Variants in RAB3GAP1 observed in about 807,000 individuals in gnomAD.
RAB3GAP1 encodes the protein RAB3 GTPase activating protein catalytic subunit 1.
In RAB3GAP1, 86 loss-of-function variants were observed where a neutral mutation model predicts 130.7. The ratio of observed to expected loss-of-function variants is 0.66; its 90% confidence interval spans 0.55 to 0.79. The LOEUF is 0.79. RAB3GAP1 is among the 30% of genes least tolerant of loss of function. The pLI is 0.00. For synonymous variants in RAB3GAP1, 367 were observed against 401.7 expected (o/e 0.91, Z 1.03); for missense variants, 1,029 against 1,169.4 (o/e 0.88, Z 1.75).
rs767792544 is a variant in RAB3GAP1, at chr2:135,093,600, CA to C, written c.284-12del. 3 of 1,600,866 alleles carry C rather than the reference CA, an allele frequency of 1.9e-6. No individual in the cohort carries two copies. In the South Asian group the frequency reaches 3.3e-5, roughly 18 times the overall value. On this transcript the variant is annotated splice_polypyrimidine_tract_variant and intron_variant, in intron 4 of 23. Transcript: ENST00000264158. ...ATGAACATACTAACTTTTTCATTATCAAATGTTTTTGTAGATGTTGTTCCAC... is the reference window on the plus strand; with the variant it reads ...ATGAACATACTAACTTTTTCATTATCAATGTTTTTGTAGATGTTGTTCCAC...
intron 3 of RAB3GAP1, among the ~76,000 whole-genome samples, chr2:135,061,766 G>T (rs1689176466): frequency 6.6e-6 from 1 of 151,802 alleles, no homozygotes; most frequent in African/African-American, 2.4e-5. Flanking sequence ...TTTCTAGAGG[G>T]TTTACCAATT....
chr2:135,150,356 T>C lies in RAB3GAP1; in HGVS notation c.1924-13T>C. The C allele has an allele frequency of 6.2e-7, 1 of 1,614,232 alleles. No individual in the cohort carries two copies. The highest frequency in any genetic ancestry group is 1.1e-5 in the South Asian group (1 of 91,090). On this transcript the variant is annotated splice_polypyrimidine_tract_variant and intron_variant, in intron 17 of 23. Coordinates refer to ENST00000264158, the MANE Select transcript of RAB3GAP1 (RefSeq NM_012233.3). Reference sequence around the variant, plus strand: ...AGGGCTGTTTATGAGCCTTGTCCTTTTGTGCTTCACAGGAACCAGCACCTA... The same window carrying C: ...AGGGCTGTTTATGAGCCTTGTCCTTCTGTGCTTCACAGGAACCAGCACCTA...
chr2:135,066,114 T>G (rs1689316840), intron 3 of RAB3GAP1, among the ~76,000 whole-genome samples: 1 of 152,128 alleles, frequency 6.6e-6, no homozygotes, highest in Non-Finnish European at 1.5e-5. Flanking sequence ...TCCAGAAAGT[T>G]TGAGAATTGC....
At chr2:135,166,612 G>A (rs1442730890) in intron 23 of RAB3GAP1, among the ~76,000 whole-genome samples, 1 of 152,040 alleles carries the variant, frequency 6.6e-6, no homozygotes, top group Non-Finnish European at 1.5e-5. Context: ...ACCTCCCAAA[G>A]TGCTGAGATT....
intron 22 of RAB3GAP1, 149 bp from the exon 23 acceptor site, chr2:135,164,445 T>A (rs895416097): frequency 1.5e-6 from 1 of 675,322 alleles, no homozygotes; most frequent in South Asian, 1.5e-5. Flanking sequence ...ATGTCAATCT[T>A]ATCTTGCTGT....
At chr2:135,083,453 C>A (rs1478207492) in intron 3 of RAB3GAP1, among the ~76,000 whole-genome samples, 1 of 151,974 alleles carries the variant, frequency 6.6e-6, no homozygotes, top group African/African-American at 2.4e-5. Flanking sequence ...CTGAGAAACA[C>A]TTGTTACTTT....
intron 11 of RAB3GAP1, among the ~76,000 whole-genome samples, chr2:135,128,934 T>C (rs1691435210): frequency 6.6e-6 from 1 of 152,174 alleles, no homozygotes; most frequent in African/African-American, 2.4e-5. Context: ...GTGGATTGCT[T>C]GAGCCCGGGA....
chr2:135,143,599 C>G (rs967427677), intron 17 of RAB3GAP1, among the ~76,000 whole-genome samples: 2 of 150,434 alleles, frequency 1.3e-5, no homozygotes, highest in Non-Finnish European at 3.0e-5. Flanking sequence ...GCTCTGTCCC[C>G]CAGGCTGGAG....
chr2:135,154,215 T>C (rs1692249000), intron 19 of RAB3GAP1, among the ~76,000 whole-genome samples: 1 of 152,238 alleles, frequency 6.6e-6, no homozygotes, highest in Non-Finnish European at 1.5e-5. Flanking sequence ...GATCTATGTA[T>C]ATAAATGATG....
In RAB3GAP1 at chr2:135,147,624, C is replaced by CCCT. The variant is rs1553448281; in HGVS notation, c.1924-2745_1924-2744insCCT. On this transcript the variant is annotated intron_variant, in intron 17 of 23. Coordinates refer to ENST00000264158, the MANE Select transcript of RAB3GAP1 (RefSeq NM_012233.3). ...ATTAATAGTAGTCCCCTCCCCCCCC[C>CCCT]TTTTTTTTTTGACTCGGGGTCTCAC... Among the ~76,000 whole-genome samples the CCCT allele has an allele frequency of 1.1e-4, 15 of 142,722 alleles. No individual in the cohort carries two copies. The South Asian group carries it at 2.8e-3, about 27-fold the overall frequency. 93.6% of individuals were successfully genotyped at this position (142,722 alleles called of 152,430 possible). A position where few individuals can be genotyped will look rare whatever the true frequency, so the allele number is the denominator to read the frequency against.
At chr2:135,133,809 T>C in intron 14 of RAB3GAP1, 52 bp from the exon 15 acceptor site, 2 of 1,509,282 alleles carry the variant, frequency 1.3e-6, no homozygotes, top group Middle Eastern at 1.7e-4. Context: ...CAGTTATATG[T>C]GTAAAATATT....
intron 5 of RAB3GAP1, among the ~76,000 whole-genome samples, chr2:135,112,053 G>A (rs1031682785): frequency 6.6e-6 from 1 of 152,246 alleles, no homozygotes; most frequent in African/African-American, 2.4e-5. Context: ...CACACGGAAT[G>A]TGTTAGAGCA....
chr2:135,168,268 T>A (rs1692720909), intron 23 of RAB3GAP1, among the ~76,000 whole-genome samples: 2 of 152,200 alleles, frequency 1.3e-5, no homozygotes, highest in South Asian at 4.1e-4. Context: ...TCCTTTTTCA[T>A]CAGATGTGTA....
chr2:135,092,118 A>G (rs1297476790), intron 4 of RAB3GAP1, among the ~76,000 whole-genome samples: 1 of 152,244 alleles, frequency 6.6e-6, no homozygotes, highest in East Asian at 1.9e-4. Flanking sequence ...GGCAGATAAC[A>G]TTAACCATAT....
Position 135,153,767 on chromosome 2 carries a change from C to T in RAB3GAP1, c.2180C>T (p.Ala727Val). 1 of 1,613,930 alleles carries T rather than the reference C, an allele frequency of 6.2e-7. No homozygotes were observed. Among genetic ancestry groups the T allele is most frequent in the Non-Finnish European group, 8.5e-7 (1 of 1,179,926 alleles). The change falls in exon 19 of 24, where the codon GCC becomes GTC. Residue 727 changes from alanine to valine, a missense_variant. Ala to Val is a moderately conservative substitution (Grantham distance 64). Around this residue, in one of 3 missense-constraint regions of RAB3GAP1, gnomAD observed 373 missense variants for 493.6 expected, o/e 0.76. Transcript: ENST00000264158. ...GNVVLKGELS[A>V]RMKIPSNMWV... The stretch of plus-strand genomic sequence containing the variant: ...GTGGTGCTGAAAGGAGAACTGAGTG[C>T]CCGGATGAAGATTCCAAGCAATATG...
chr2:135,062,233 T>C (rs1689196990), intron 3 of RAB3GAP1, among the ~76,000 whole-genome samples: 4 of 152,178 alleles, frequency 2.6e-5, no homozygotes, highest in Admixed American at 2.6e-4. Context: ...TTGATTACTG[T>C]AGTTTCAGGT....
At chr2:135,123,614 A>G (rs1403061066) in intron 8 of RAB3GAP1, among the ~76,000 whole-genome samples, 1 of 152,160 alleles carries the variant, frequency 6.6e-6, no homozygotes, top group African/African-American at 2.4e-5. Context: ...AACTAAGGGA[A>G]TGATTTACCC....
chr2:135,174,447 G>A (rs1258467786), downstream of RAB3GAP1, among the ~76,000 whole-genome samples: 3 of 152,216 alleles, frequency 2.0e-5, no homozygotes, highest in African/African-American at 7.2e-5. Flanking sequence ...CAGCCTGCCT[G>A]TGTGCTGGGC....
At chr2:135,100,256 T>C (rs1165002798) in intron 5 of RAB3GAP1, among the ~76,000 whole-genome samples, 2 of 152,220 alleles carry the variant, frequency 1.3e-5, no homozygotes, top group African/African-American at 2.4e-5. Context: ...TAGCACAGCA[T>C]AGTCAGTTTT....
Sources: allele counts gnomAD v4.1 joint callset (sites outside exome capture counted in the v4.1 genomes callset), GRCh38; gene constraint gnomAD v4.1.1; regional missense constraint gnomAD v4.1.1; transcripts MANE v1.5; gene names NCBI Gene and HGNC (gene_info 2026-07-23, HGNC 2026-07-21).